Variants in ACOXL observed in about 807,000 individuals in gnomAD.
ACOXL encodes acyl-CoA oxidase like.
In ACOXL, 70 loss-of-function variants were observed where a neutral mutation model predicts 71.9. The ratio of observed to expected loss-of-function variants is 0.97; its 90% CI spans 0.80 to 1.19. The LOEUF (loss-of-function observed/expected upper bound fraction) is 1.19, where lower values mean the gene tolerates loss of function less well. Ranked by LOEUF, ACOXL falls within the 50% of genes most tolerant of loss-of-function variation. The pLI, the probability that ACOXL is intolerant of heterozygous loss-of-function variation, is 0.00. For missense variants in ACOXL, 703 were observed against 736.3 expected, an observed-to-expected ratio of 0.95 and a Z score of 0.52; for synonymous variants, 253 against 281.6, an observed-to-expected ratio of 0.90 and a Z score of 1.02.
chr2:110,883,107 GTTTTTTT>G (rs34915436), intron 10 of ACOXL, among the ~76,000 whole-genome samples: 2 of 109,266 alleles, frequency 1.8e-5, no homozygotes, highest in Admixed American at 2.1e-4. Context: ...TTTGTCACTG[GTTTTTTT>G]TTTTTTTTTT....
At chr2:110,820,333 G>C (rs189513653) in intron 9 of ACOXL, among the ~76,000 whole-genome samples, 1 of 152,212 alleles carries the variant, frequency 6.6e-6, no homozygotes, top group East Asian at 1.9e-4. Flanking sequence ...CTGAAGAGAA[G>C]GTCACAGGTG....
At chr2:110,761,008 A>G (rs1005774834) in intron 1 of ACOXL, among the ~76,000 whole-genome samples, 2 of 152,200 alleles carry the variant, frequency 1.3e-5, no homozygotes, top group Non-Finnish European at 2.9e-5. Context: ...TGTTATCAAT[A>G]AATCAACCTG....
chr2:110,757,976 T>G (rs796414339), intron 1 of ACOXL, among the ~76,000 whole-genome samples: 65 of 152,338 alleles, frequency 4.3e-4, no homozygotes, highest in African/African-American at 1.5e-3. Context: ...CATGCCTATG[T>G]CCTGAATGAT....
chr2:111,094,886 C>T (rs771939649), intron 17 of ACOXL, among the ~76,000 whole-genome samples: 1 of 152,106 alleles, frequency 6.6e-6, no homozygotes, highest in Non-Finnish European at 1.5e-5. Flanking sequence ...TAATTGTCTC[C>T]TTCCATGTAG....
At chr2:110,781,753 G>T (rs1373868749) in intron 2 of ACOXL, among the ~76,000 whole-genome samples, 1 of 152,190 alleles carries the variant, frequency 6.6e-6, no homozygotes, top group Non-Finnish European at 1.5e-5. Flanking sequence ...TGAGAGTCTT[G>T]CTTAGAGCTG....
chr2:110,840,902 G>C lies in ACOXL; in HGVS notation c.754-469G>C, dbSNP rs146975765. On this transcript the variant is annotated intron_variant, in intron 9 of 17. Transcript: ENST00000439055. Reference sequence around the variant, plus strand: ...GGGAGACTCTGGCCCAGGTGGCCTGGGCTCCACTTGGTGCTCCTAGGGTAG... The same window carrying C: ...GGGAGACTCTGGCCCAGGTGGCCTGCGCTCCACTTGGTGCTCCTAGGGTAG... 5.7e-3 allele frequency among the ~76,000 whole-genome samples: 861 copies of C among 152,314 alleles called. 3 individuals carry two copies. Among genetic ancestry groups the C allele is most frequent in the Non-Finnish European group, 9.4e-3 (641 of 68,030 alleles).
intron 14 of ACOXL, among the ~76,000 whole-genome samples, chr2:111,019,612 C>T (rs1016125254): frequency 2.6e-5 from 4 of 152,196 alleles, no homozygotes; most frequent in East Asian, 1.9e-4. Context: ...AAACACGTAC[C>T]GTTTCCCACT....
chr2:110,884,600 A>C (rs921051189), intron 10 of ACOXL, among the ~76,000 whole-genome samples: 4 of 152,204 alleles, frequency 2.6e-5, no homozygotes, highest in African/African-American at 9.7e-5. Flanking sequence ...TTGTGTAAAG[A>C]GGTTGGATGG....
At chr2:111,078,082 C>G (rs2067693590) in intron 16 of ACOXL, among the ~76,000 whole-genome samples, 1 of 152,078 alleles carries the variant, frequency 6.6e-6, no homozygotes, top group African/African-American at 2.4e-5. Context: ...CTGGGGCTCT[C>G]TTTTTCTTTG....
intron 17 of ACOXL, among the ~76,000 whole-genome samples, chr2:111,108,369 A>ATTTTTT (rs1173842815): frequency 1.5e-3 from 96 of 61,960 alleles, no homozygotes; most frequent in African/African-American, 2.1e-3. Context: ...AAGTGCATGA[A>ATTTTTT]TCTTTTTTTT....
intron 8 of ACOXL, among the ~76,000 whole-genome samples, chr2:110,803,918 T>C (rs1186399646): frequency 6.6e-6 from 1 of 151,988 alleles, no homozygotes; most frequent in African/African-American, 2.4e-5. Context: ...AGATGCTCAA[T>C]GTCGTTGCCA....
At chr2:110,774,537 A>C (rs1317298436) in intron 2 of ACOXL, among the ~76,000 whole-genome samples, 1 of 152,236 alleles carries the variant, frequency 6.6e-6, no homozygotes, top group Non-Finnish European at 1.5e-5. Context: ...AATAATGAAG[A>C]ATCCAAAATG....
At chr2:111,102,138 T>A (rs1015988214) in intron 17 of ACOXL, 10 of 152,592 alleles carry the variant, frequency 6.6e-5, no homozygotes, top group African/African-American at 2.4e-4. Context: ...GACGAGAAAA[T>A]CTCTCTTTTC....
chr2:110,943,153 A>G (rs2060946640), intron 12 of ACOXL, among the ~76,000 whole-genome samples: 1 of 104,220 alleles, frequency 9.6e-6, no homozygotes. Context: ...GAAGAAAGAG[A>G]AAGAAAAAGA....
chr2:110,975,629 G>A (rs1421619980), intron 12 of ACOXL, among the ~76,000 whole-genome samples: 1 of 151,950 alleles, frequency 6.6e-6, no homozygotes, highest in Non-Finnish European at 1.5e-5. Flanking sequence ...TGAAAAAGAA[G>A]GAGCAAGATG....
At chr2:110,897,054 C>G (rs996377772) in intron 10 of ACOXL, among the ~76,000 whole-genome samples, 2 of 151,780 alleles carry the variant, frequency 1.3e-5, no homozygotes, top group Admixed American at 1.3e-4. Flanking sequence ...TGTATTCAAA[C>G]TAGAACTTTG....
chr2:110,793,936 G>A (rs1684972872), intron 4 of ACOXL, 140 bp from the exon 5 acceptor site: 32 of 859,178 alleles, frequency 3.7e-5, no homozygotes, highest in Non-Finnish European at 5.3e-5. Context: ...GCTCACATTC[G>A]CTGTCATCAG....
At chr2:110,933,125 G>A (rs966329824) in intron 11 of ACOXL, among the ~76,000 whole-genome samples, 1 of 152,136 alleles carries the variant, frequency 6.6e-6, no homozygotes, top group Non-Finnish European at 1.5e-5. Flanking sequence ...TAAAAGTCAT[G>A]TCTGACAATC....
intron 9 of ACOXL, among the ~76,000 whole-genome samples, chr2:110,831,459 A>G (rs982807843): frequency 2.0e-5 from 3 of 152,228 alleles, no homozygotes; most frequent in African/African-American, 7.2e-5. Context: ...AAGAAGATTC[A>G]AAGAAATGGA....
Sources: allele counts gnomAD v4.1 joint callset (sites outside exome capture counted in the v4.1 genomes callset), GRCh38; gene constraint gnomAD v4.1.1; transcripts MANE v1.5; gene names NCBI Gene and HGNC (gene_info 2026-07-23, HGNC 2026-07-21).